The following PRKAR1B variants were observed in gnomAD, a reference collection of about 807,000 sequenced individuals.
PRKAR1B encodes the protein cAMP-dependent protein kinase type I-beta regulatory subunit.
Under a neutral mutation model 46.5 loss-of-function variants are expected in PRKAR1B, and 22 were observed. The observed-to-expected ratio is 0.47, with a 90% CI of 0.34 to 0.68. The LOEUF (loss-of-function observed/expected upper bound fraction) is 0.68, where lower values mean the gene tolerates loss of function less well. PRKAR1B is among the 30% of genes least tolerant of loss of function. The probability of loss-of-function intolerance (pLI) is 0.01; values close to 1 mark genes in which losing one functional copy is unlikely to be tolerated. For synonymous variants in PRKAR1B, 259 were observed against 217.7 expected (o/e 1.19, Z -1.67); for missense variants, 445 against 535.6 (o/e 0.83, Z 1.67).
chr7:680,311 G>C (rs1260171686), intron 3 of PRKAR1B, among the ~76,000 whole-genome samples: 1 of 152,112 alleles, frequency 6.6e-6, no homozygotes, highest in Non-Finnish European at 1.5e-5. Context: ...GGCCGCCATG[G>C]GGCTGCAGTG....
chr7:632,331 C>T (rs1783801604), intron 4 of PRKAR1B, among the ~76,000 whole-genome samples: 2 of 152,120 alleles, frequency 1.3e-5, no homozygotes, highest in Non-Finnish European at 1.5e-5. Flanking sequence ...TCGCCGAAGC[C>T]GGCACCGGCT....
At chr7:723,092 A>C (rs756104043) in intron 1 of PRKAR1B, among the ~76,000 whole-genome samples, 10 of 152,134 alleles carry the variant, frequency 6.6e-5, no homozygotes, top group Non-Finnish European at 1.5e-4. Context: ...CTGTGTCAGG[A>C]CAGAACATGC....
At chr7:591,809 C>A (rs994076568) in intron 7 of PRKAR1B, among the ~76,000 whole-genome samples, 1 of 152,218 alleles carries the variant, frequency 6.6e-6, no homozygotes, top group African/African-American at 2.4e-5. Context: ...CCCCAGATGG[C>A]TGCAACACGG....
chr7:650,291 C>T (rs530861574), intron 4 of PRKAR1B, among the ~76,000 whole-genome samples: 2 of 152,116 alleles, frequency 1.3e-5, no homozygotes, highest in Non-Finnish European at 2.9e-5. Context: ...GTCTGAGGGA[C>T]CCTAGAGGGT....
chr7:654,884 C>T (rs565174247), intron 4 of PRKAR1B, among the ~76,000 whole-genome samples: 232 of 152,338 alleles, frequency 1.5e-3, no homozygotes, highest in Non-Finnish European at 2.9e-3. Context: ...CCATCAACAT[C>T]ATTGTTATCA....
chr7:550,596 AT>A lies in PRKAR1B; in HGVS notation c.979del (p.Ile327LeufsTer5). 6.3e-7 allele frequency: 1 copy of A among 1,578,364 alleles called. No individual in the cohort carries two copies. Among genetic ancestry groups the A allele is most frequent in the Non-Finnish European group, 8.6e-7 (1 of 1,165,722 alleles). On this transcript the variant is annotated frameshift_variant, in exon 11 of 11. Transcript: ENST00000537384. LOFTEE classifies it high-confidence loss of function. The stretch of plus-strand genomic sequence containing the variant: ...CCGGGGCCGGTTCAGCAGCAGTGCA[AT>A]CTCCCCTGGGGGTTGAAGAGAGAGG... ...RLGPSDYFGE[I>X]ALLLNRPRAA... is the part of the protein sequence containing the mutation.
intron 9 of PRKAR1B, among the ~76,000 whole-genome samples, chr7:571,506 T>C (rs1388656893): frequency 6.6e-6 from 1 of 152,212 alleles, no homozygotes; most frequent in East Asian, 1.9e-4. Flanking sequence ...TGTTTTGCAG[T>C]TGTTTCAACG....
chr7:664,041 G>C (rs536637887), intron 4 of PRKAR1B, among the ~76,000 whole-genome samples: 1 of 152,150 alleles, frequency 6.6e-6, no homozygotes, highest in South Asian at 2.1e-4. Context: ...AAGATGCTTT[G>C]TATTACAAGG....
At chr7:695,758 G>T (rs1332286339) in intron 2 of PRKAR1B, among the ~76,000 whole-genome samples, 1 of 152,000 alleles carries the variant, frequency 6.6e-6, no homozygotes, top group African/African-American at 2.4e-5. Context: ...CCGCCTCCCG[G>T]GTTCATGCCA....
At chr7:558,984 G>A (rs184320349) in intron 9 of PRKAR1B, among the ~76,000 whole-genome samples, 156 of 152,292 alleles carry the variant, frequency 1.0e-3, no homozygotes, top group African/African-American at 3.7e-3. Context: ...AGGCGTGGAC[G>A]GCGGCCCCGT....
intron 3 of PRKAR1B, among the ~76,000 whole-genome samples, chr7:680,017 G>T (rs1778569790): frequency 6.6e-6 from 1 of 152,056 alleles, no homozygotes; most frequent in African/African-American, 2.4e-5. Context: ...AATTAGCTGG[G>T]TGTGGTGGTA....
rs143108200 is a variant in PRKAR1B, at chr7:690,559, G to A, written c.178-9833C>T. ...ATCAGGGTGGAATTTCTTCAGCTTC[G>A]TGCATGTTGCTGTAATGTTAACACA... On this transcript the variant is annotated intron_variant, in intron 2 of 10. Transcript: ENST00000537384. Among the ~76,000 whole-genome samples the A allele has an allele frequency of 2.9e-3, 446 of 152,288 alleles. 4 individuals carry two copies. The highest frequency in any genetic ancestry group is 0.01 in the African/African-American group (431 of 41,558).
chr7:712,715 G>T (rs1350901833), intron 1 of PRKAR1B: 1 of 108,332 alleles, frequency 9.2e-6, no homozygotes. Context: ...CGCTGTCGCC[G>T]CCCCCCGCCC....
intron 9 of PRKAR1B, 108 bp from the exon 10 acceptor site, chr7:551,578 C>A (rs1784202169): frequency 9.3e-7 from 1 of 1,075,228 alleles, no homozygotes; most frequent in African/African-American, 1.6e-5. Flanking sequence ...CCACCTCCCA[C>A]CCAGGTCCTT....
At chr7:669,883 T>TTTTTTTTTTTA (rs770566286) in intron 4 of PRKAR1B, among the ~76,000 whole-genome samples, 6 of 144,738 alleles carry the variant, frequency 4.1e-5, no homozygotes, top group African/African-American at 1.5e-4. Flanking sequence ...TTTTTTTTTT[T>TTTTTTTTTTTA]GAGACGGAGT....
intron 4 of PRKAR1B, among the ~76,000 whole-genome samples, chr7:663,255 C>T (rs1785714476): frequency 6.6e-6 from 1 of 152,176 alleles, no homozygotes; most frequent in Non-Finnish European, 1.5e-5. Context: ...GAGACAGGGT[C>T]TTGCCCTGTC....
At chr7:692,944 T>A (rs527622494) in intron 2 of PRKAR1B, among the ~76,000 whole-genome samples, 1 of 151,808 alleles carries the variant, frequency 6.6e-6, no homozygotes, top group South Asian at 2.1e-4. Flanking sequence ...GGGACTTTTT[T>A]TTTTTCTTGA....
chr7:591,692 GA>G (rs527563491), intron 7 of PRKAR1B, among the ~76,000 whole-genome samples: 59 of 150,722 alleles, frequency 3.9e-4, no homozygotes, highest in Non-Finnish European at 7.0e-4. Context: ...TCTATTAACA[GA>G]AAAAAAAAGG....
At chr7:592,209 C>T (rs991703749) in intron 7 of PRKAR1B, among the ~76,000 whole-genome samples, 4 of 152,208 alleles carry the variant, frequency 2.6e-5, no homozygotes, top group Non-Finnish European at 4.4e-5. Context: ...CCGTCCCGCC[C>T]GAGTGAGGGT....
Sources: gnomAD v4.1 joint callset for allele counts (sites outside exome capture counted in the v4.1 genomes callset) on GRCh38, gnomAD v4.1.1 for gene constraint, MANE v1.5 for transcripts, NCBI Gene and HGNC (gene_info 2026-07-23, HGNC 2026-07-21) for gene names.